AUTS2: variants seen among roughly 807,000 people sequenced by gnomAD.
AUTS2 encodes autism susceptibility gene 2 protein.
A neutral mutation model predicts 112.4 loss-of-function variants in AUTS2; 17 were observed. That is an observed-to-expected ratio of 0.15 (90% CI 0.10 to 0.23). The LOEUF (loss-of-function observed/expected upper bound fraction) is 0.23. Ranked by LOEUF, AUTS2 falls within the 10% of genes least tolerant of loss-of-function variation. The pLI is 1.00. For missense variants in AUTS2, 1,510 were observed against 1,701.6 expected, an observed-to-expected ratio of 0.89 and a Z score of 1.98; for synonymous variants, 751 against 702.7, an observed-to-expected ratio of 1.07 and a Z score of -1.09.
chr7:70,203,002 A>C (rs1274759633), intron 4 of AUTS2, among the ~76,000 whole-genome samples: 5 of 129,446 alleles, frequency 3.9e-5, no homozygotes, highest in African/African-American at 1.5e-4. Flanking sequence ...TACACCATGG[A>C]ATACTATGCA....
At chr7:70,019,827 C>T (rs1049460519) in intron 2 of AUTS2, among the ~76,000 whole-genome samples, 6 of 152,098 alleles carry the variant, frequency 3.9e-5, no homozygotes, top group Non-Finnish European at 5.9e-5. Context: ...AAAAAATTTT[C>T]GTATGTGATT....
At chr7:70,669,838 T>C (rs1052567537) in intron 5 of AUTS2, among the ~76,000 whole-genome samples, 8 of 152,208 alleles carry the variant, frequency 5.3e-5, no homozygotes, top group Non-Finnish European at 7.3e-5. Context: ...CGAACACAAT[T>C]AGCAGATTCA....
chr7:70,083,541 T>A (rs769439264), intron 2 of AUTS2, among the ~76,000 whole-genome samples: 1 of 152,234 alleles, frequency 6.6e-6, no homozygotes, highest in Non-Finnish European at 1.5e-5. Context: ...ATTTTCCTTT[T>A]GTTTGTAACA....
At chr7:70,185,906 T>C (rs1809579471) in intron 4 of AUTS2, among the ~76,000 whole-genome samples, 1 of 152,178 alleles carries the variant, frequency 6.6e-6, no homozygotes, top group Admixed American at 6.5e-5. Flanking sequence ...TTAGCATTTA[T>C]TGAGGAAAAA....
At chr7:70,665,488 G>A (rs1050542683) in intron 5 of AUTS2, among the ~76,000 whole-genome samples, 15 of 95,490 alleles carry the variant, frequency 1.6e-4, no homozygotes, top group African/African-American at 7.4e-4. Flanking sequence ...TTTTTGTAGA[G>A]GTAGAATCTC....
At chr7:70,756,780 A>G (rs1789239527) in intron 6 of AUTS2, among the ~76,000 whole-genome samples, 1 of 152,210 alleles carries the variant, frequency 6.6e-6, no homozygotes, top group Non-Finnish European at 1.5e-5. Context: ...CTTGCATATG[A>G]CCCAGATATA....
intron 1 of AUTS2, among the ~76,000 whole-genome samples, chr7:69,805,349 G>C (rs1190220945): frequency 6.6e-6 from 1 of 152,140 alleles, no homozygotes; most frequent in Non-Finnish European, 1.5e-5. Context: ...TTTTACGTTA[G>C]ACAAACTGCC....
At chr7:69,718,270 A>G (rs1456310990) in intron 1 of AUTS2, among the ~76,000 whole-genome samples, 1 of 152,256 alleles carries the variant, frequency 6.6e-6, no homozygotes, top group African/African-American at 2.4e-5. Context: ...CTGCAATAAT[A>G]AATTACCACA....
Position 70,739,003 on chromosome 7 carries a change from C to CTT in AUTS2, c.743-23834_743-23833dup, listed in dbSNP as rs57525224. Among the ~76,000 whole-genome samples, 6 of 57,300 alleles carry CTT rather than the reference C, an allele frequency of 1.0e-4. 1 individual carries two copies. The highest frequency in any genetic ancestry group is 2.6e-4 in the Admixed American group (1 of 3,878). 37.6% of individuals were successfully genotyped at this position (57,300 alleles called of 152,430 possible). A position where few individuals can be genotyped will look rare whatever the true frequency, so the allele number is the denominator to read the frequency against. On this transcript the variant is annotated intron_variant, in intron 6 of 18. Transcript: ENST00000342771. Reference sequence around the variant, plus strand: ...GGTGATGTCCACGAGGTTTTGAGGCCTTTTTTTTTTTTTTTTTTTTTTTTT... The same window carrying CTT: ...GGTGATGTCCACGAGGTTTTGAGGCCTTTTTTTTTTTTTTTTTTTTTTTTTTT...
At chr7:70,759,754 A>G (rs1458252300) in intron 6 of AUTS2, among the ~76,000 whole-genome samples, 1 of 152,166 alleles carries the variant, frequency 6.6e-6, no homozygotes. Flanking sequence ...TGGCTGTGTT[A>G]TCCAAATTCT....
At chr7:70,615,053 G>A (rs558823379) in intron 5 of AUTS2, among the ~76,000 whole-genome samples, 37 of 152,312 alleles carry the variant, frequency 2.4e-4, no homozygotes, top group African/African-American at 8.4e-4. Flanking sequence ...AATTACGAAC[G>A]CTGGATGAAG....
intron 1 of AUTS2, among the ~76,000 whole-genome samples, chr7:69,806,544 G>A (rs1226283532): frequency 1.3e-5 from 2 of 152,016 alleles, no homozygotes; most frequent in Non-Finnish European, 2.9e-5. Context: ...ACGGCTTACT[G>A]TAGCCTCGAT....
chr7:69,886,257 G>A (rs1004825615), intron 1 of AUTS2, among the ~76,000 whole-genome samples: 1 of 152,220 alleles, frequency 6.6e-6, no homozygotes, highest in African/African-American at 2.4e-5. Flanking sequence ...GATTCTCTAT[G>A]TCACTGCTCT....
chr7:70,721,254 C>G (rs1041078598), intron 6 of AUTS2, among the ~76,000 whole-genome samples: 1 of 145,074 alleles, frequency 6.9e-6, no homozygotes, highest in Non-Finnish European at 1.5e-5. Context: ...ACACGACTGA[C>G]GTGTGTGACA....
chr7:70,372,593 G>A (rs949012412), intron 4 of AUTS2, among the ~76,000 whole-genome samples: 7 of 151,924 alleles, frequency 4.6e-5, no homozygotes, highest in African/African-American at 9.7e-5. Context: ...CTGGCTAGCC[G>A]TCAGATTTCC....
intron 2 of AUTS2, among the ~76,000 whole-genome samples, chr7:69,957,697 A>G (rs1192177618): frequency 6.6e-6 from 1 of 152,126 alleles, no homozygotes; most frequent in Admixed American, 6.6e-5. Flanking sequence ...GTCTAGATGA[A>G]GAGAAGGAAA....
At chr7:70,414,262 G>C (rs1382995684) in intron 4 of AUTS2, among the ~76,000 whole-genome samples, 2 of 152,166 alleles carry the variant, frequency 1.3e-5, no homozygotes, top group African/African-American at 4.8e-5. Flanking sequence ...AGAGTAATGG[G>C]TCCACAGGCG....
chr7:70,283,790 GTC>G (rs1017849496), intron 4 of AUTS2, among the ~76,000 whole-genome samples: 1 of 152,022 alleles, frequency 6.6e-6, no homozygotes, highest in African/African-American at 2.4e-5. Context: ...AGAAAAAAGA[GTC>G]TGGTGCAAGG....
chr7:69,628,533 T>A (rs997231131), intron 1 of AUTS2, among the ~76,000 whole-genome samples: 1 of 152,140 alleles, frequency 6.6e-6, no homozygotes, highest in Non-Finnish European at 1.5e-5. Context: ...TGAAACTGGG[T>A]AATTTTATAA....
Sources: gnomAD v4.1 joint callset for allele counts (sites outside exome capture counted in the v4.1 genomes callset) on GRCh38, gnomAD v4.1.1 for gene constraint, MANE v1.5 for transcripts, NCBI Gene and HGNC (gene_info 2026-07-23, HGNC 2026-07-21) for gene names.